TRIM66: variants seen among roughly 807,000 people sequenced by gnomAD.
TRIM66 encodes tripartite motif containing 66, also known as tripartite motif-containing protein 66.
TRIM66 carries 99 observed loss-of-function variants against 148.2 expected under a neutral mutation model. The ratio of observed to expected loss-of-function variants is 0.67; its 90% confidence interval spans 0.57 to 0.79. The LOEUF is 0.79. Among genes scored for constraint, TRIM66 ranks in the 30% least tolerant of loss-of-function variants. The pLI is 0.00. For synonymous variants in TRIM66, 616 were observed against 635.9 expected (o/e 0.97, Z 0.47); for missense variants, 1,666 against 1,697.9 (o/e 0.98, Z 0.33).
intron 1 of TRIM66, among the ~76,000 whole-genome samples, chr11:8,682,052 G>T (rs531575580): frequency 6.6e-6 from 1 of 152,228 alleles, no homozygotes; most frequent in Admixed American, 6.5e-5. Flanking sequence ...GTGAGCCACC[G>T]CGCCTGGCCT....
At position 8,642,995 on chromosome 11, in the gene TRIM66, G is replaced by A. The variant is rs997898253; in HGVS notation, c.1222+14C>T. 2 of 1,539,640 alleles carry A rather than the reference G, an allele frequency of 1.3e-6. No individual in the cohort carries two copies. The highest frequency in any genetic ancestry group is 2.5e-5 in the East Asian group (1 of 40,590). On this transcript the variant is annotated intron_variant, in intron 13 of 24. Coordinates refer to ENST00000646038, the MANE Select transcript of TRIM66 (RefSeq NM_001388022.1). ...ACAGGGTGGGTAGGCCTGGGTGGGT[G>A]GGTCCAAGCTCACCAAGAGAAGCTA... is the stretch of plus-strand genomic sequence containing the variant.
chr11:8,649,905 T>C lies in TRIM66; in HGVS notation c.445-18A>G, dbSNP rs921175783. 1.3e-6 allele frequency: 2 copies of C among 1,546,610 alleles called. No individual in the cohort carries two copies. Among genetic ancestry groups the C allele is most frequent in the African/African-American group, 2.7e-5 (2 of 72,946 alleles). Reference sequence around the variant, plus strand: ...GAGCAGTTCTGGAAGCAGAGAGTTCTGGAGTTACTGATGTTATCCTCATTT... The same window carrying C: ...GAGCAGTTCTGGAAGCAGAGAGTTCCGGAGTTACTGATGTTATCCTCATTT... On this transcript the variant is annotated intron_variant, in intron 7 of 24. Transcript: ENST00000646038.
At chr11:8,675,426 A>C (rs2039129919) in intron 3 of TRIM66, among the ~76,000 whole-genome samples, 1 of 152,204 alleles carries the variant, frequency 6.6e-6, no homozygotes, top group African/African-American at 2.4e-5. Flanking sequence ...CTTGTTAACC[A>C]GGCTGGAGTA....
chr11:8,667,961 G>A (rs551927753), intron 6 of TRIM66, among the ~76,000 whole-genome samples: 1 of 152,254 alleles, frequency 6.6e-6, no homozygotes, highest in East Asian at 1.9e-4. Flanking sequence ...AGGATAATTT[G>A]ATTTTCAATT....
At chr11:8,662,876 T>C (rs1051269673) in intron 6 of TRIM66, among the ~76,000 whole-genome samples, 1 of 152,136 alleles carries the variant, frequency 6.6e-6, no homozygotes, top group African/African-American at 2.4e-5. Flanking sequence ...AGCCAGCATA[T>C]GGTAAGAGTC....
intron 19 of TRIM66, 66 bp from the exon 20 acceptor site, chr11:8,621,387 G>A (rs1290415252): frequency 2.0e-6 from 3 of 1,490,062 alleles, no homozygotes; most frequent in African/African-American, 2.8e-5. Flanking sequence ...GGAGGGGAGG[G>A]AGAGACTGGC....
At chr11:8,637,602 T>A (rs1190570052) in intron 15 of TRIM66, among the ~76,000 whole-genome samples, 1 of 152,212 alleles carries the variant, frequency 6.6e-6, no homozygotes, top group African/African-American at 2.4e-5. Flanking sequence ...GGAGACTGAC[T>A]GTTCTAAGAC....
At chr11:8,653,484 G>T (rs1357617811) in intron 6 of TRIM66, among the ~76,000 whole-genome samples, 1 of 152,112 alleles carries the variant, frequency 6.6e-6, no homozygotes, top group African/African-American at 2.4e-5. Context: ...GTTCTCAGTT[G>T]TCTCAGGCAT....
chr11:8,612,968 G>A lies in TRIM66; in HGVS notation c.*4976C>T, dbSNP rs1375748821. 1 of 152,178 alleles carries A rather than the reference G, an allele frequency of 6.6e-6. No individual in the cohort carries two copies. The highest frequency in any genetic ancestry group is 2.4e-5 in the African/African-American group (1 of 41,424). The allele number at this position is 152,178 out of a possible 1,614,324, so 9.4% of individuals were successfully genotyped here. ...CACACCCTTGGGCTGACTTAGATGGGGTCTCTTAGCAAACAGGCTAAAACC... is the reference window on the plus strand; with the variant it reads ...CACACCCTTGGGCTGACTTAGATGGAGTCTCTTAGCAAACAGGCTAAAACC... On this transcript the variant is annotated 3_prime_UTR_variant, in exon 25 of 25. Transcript: ENST00000646038.
rs1350887308 is a variant in TRIM66 at position 8,638,654 on chromosome 11, C to T, written c.2310G>A (p.Lys770=). Residue 770 remains lysine (K), a splice_region_variant and synonymous_variant, in exon 15 of 25, where the codon AAG becomes AAA. Coordinates refer to ENST00000646038, the MANE Select transcript of TRIM66 (RefSeq NM_001388022.1). ...TAGGGAAAACAGGCTCCTTCAGTAC[C>T]TTTCTCACCACATTTGGAGAGGAGT... The part of the protein sequence containing the change: ...IQHSSPNVVR[K]HSTSLSIMGF... The T allele has an allele frequency of 6.5e-7, 1 of 1,547,846 alleles. No homozygotes were observed. Among genetic ancestry groups the T allele is most frequent in the Non-Finnish European group, 8.7e-7 (1 of 1,145,918 alleles).
At chr11:8,682,971 G>C (rs192404439), upstream of TRIM66, 2 of 1,064,278 alleles carry the variant, frequency 1.9e-6, no homozygotes, top group African/African-American at 3.2e-5. Flanking sequence ...GGCCCGGGGC[G>C]GGGCTCCCGG....
At chr11:8,658,861 C>G in intron 6 of TRIM66, 1 of 951,158 alleles carries the variant, frequency 1.1e-6, no homozygotes, top group South Asian at 4.8e-5. Flanking sequence ...CTGCTCCTGC[C>G]ACTTCACCTG....
intron 15 of TRIM66, among the ~76,000 whole-genome samples, chr11:8,635,455 C>A (rs76204778): frequency 0.053 from 8,124 of 152,268 alleles, 272 homozygotes; most frequent in Non-Finnish European, 0.069. Context: ...CCAACCCCAG[C>A]TCCAAGGCAA....
At chr11:8,650,812 G>C (rs144558976) in intron 7 of TRIM66, among the ~76,000 whole-genome samples, 87 of 152,332 alleles carry the variant, frequency 5.7e-4, no homozygotes, top group African/African-American at 2.1e-3. Flanking sequence ...GGAAAATGTT[G>C]TAACAGAGGG....
At chr11:8,627,524 G>C (rs944433468) in intron 15 of TRIM66, among the ~76,000 whole-genome samples, 3 of 152,168 alleles carry the variant, frequency 2.0e-5, no homozygotes, top group Non-Finnish European at 4.4e-5. Flanking sequence ...GCATACTGTA[G>C]ATGCTCAGTA....
chr11:8,627,422 A>G (rs1409421040), intron 15 of TRIM66, among the ~76,000 whole-genome samples: 6 of 152,232 alleles, frequency 3.9e-5, no homozygotes, highest in Non-Finnish European at 2.9e-5. Flanking sequence ...GCAATTTGCT[A>G]AATGTTTTAC....
chr11:8,640,277 C>G lies in TRIM66; in HGVS notation c.2098G>C (p.Val700Leu). 2 of 1,551,558 alleles carry G rather than the reference C, an allele frequency of 1.3e-6. No individual in the cohort carries two copies. Among genetic ancestry groups the G allele is most frequent in the African/African-American group, 2.7e-5 (2 of 73,060 alleles). The change falls in exon 14 of 25, where the codon GTG (valine) becomes CTG (leucine). Residue 700 changes from valine (V) to leucine (L), a missense_variant. Val to Leu is a conservative substitution (Grantham distance 32). Around this residue, in one of 3 missense-constraint regions of TRIM66, gnomAD observed 1,431 missense variants for 1,412.4 expected, o/e 1.01. Coordinates refer to ENST00000646038, the MANE Select transcript of TRIM66 (RefSeq NM_001388022.1). ...GACTGGACAGGTGCTGGCTGCCTCA[C>G]GATGTAGTTGATCTGCCCCACAATG... ...QTIVGQINYI[V>L]RQPAPVQSQS...
chr11:8,675,932 T>C (rs1332588137), intron 3 of TRIM66, among the ~76,000 whole-genome samples: 1 of 152,006 alleles, frequency 6.6e-6, no homozygotes, highest in East Asian at 1.9e-4. Flanking sequence ...AGAGACGGGG[T>C]TTCACCATGT....
intron 1 of TRIM66, among the ~76,000 whole-genome samples, chr11:8,681,159 A>C (rs2039400073): frequency 7.1e-6 from 1 of 141,068 alleles, no homozygotes; most frequent in Admixed American, 7.5e-5. Flanking sequence ...TTTGAGACGG[A>C]GTCTCGTTCT....
Sources: allele counts gnomAD v4.1 joint callset (sites outside exome capture counted in the v4.1 genomes callset), GRCh38; gene constraint gnomAD v4.1.1; regional missense constraint gnomAD v4.1.1; transcripts MANE v1.5; gene names NCBI Gene and HGNC (gene_info 2026-07-23, HGNC 2026-07-21).